ALK: variants seen among roughly 807,000 people sequenced by gnomAD.
ALK encodes the protein ALK receptor tyrosine kinase, also known as ALK tyrosine kinase receptor.
A neutral mutation model predicts 163.1 loss-of-function variants in ALK; 74 were observed. The ratio of observed to expected loss-of-function variants is 0.45; its 90% CI spans 0.38 to 0.55. ALK has a LOEUF of 0.55. ALK is among the 20% of genes least tolerant of loss of function. The pLI is 0.00. For missense variants in ALK, 2,063 were observed against 2,105.3 expected (o/e 0.98, Z 0.39); for synonymous variants, 960 against 843.2 (o/e 1.14, Z -2.40).
intron 1 of ALK, among the ~76,000 whole-genome samples, chr2:29,874,560 T>C (rs556164330): frequency 1.2e-4 from 19 of 152,330 alleles, no homozygotes; most frequent in African/African-American, 4.3e-4. Flanking sequence ...ACTACTGATG[T>C]TGTTCAAGCT....
chr2:29,902,209 T>A (rs766026742), intron 1 of ALK, among the ~76,000 whole-genome samples: 9 of 152,158 alleles, frequency 5.9e-5, no homozygotes, highest in South Asian at 4.1e-4. Flanking sequence ...CAAATTGAAC[T>A]CAACTCTTCC....
intron 1 of ALK, among the ~76,000 whole-genome samples, chr2:29,868,679 T>G (rs2148410956): frequency 6.6e-6 from 1 of 152,274 alleles, no homozygotes; most frequent in African/African-American, 2.4e-5. Flanking sequence ...ATTTCCTCAC[T>G]CTAACAAATC....
intron 3 of ALK, among the ~76,000 whole-genome samples, chr2:29,669,837 A>G (rs1485743409): frequency 1.3e-5 from 2 of 151,052 alleles, no homozygotes; most frequent in African/African-American, 2.4e-5. Flanking sequence ...GAGATAACTT[A>G]TCTTAGATCA....
intron 3 of ALK, among the ~76,000 whole-genome samples, chr2:29,621,328 T>C (rs1024461833): frequency 5.3e-5 from 8 of 152,226 alleles, no homozygotes; most frequent in African/African-American, 1.7e-4. Context: ...AAAAGATATC[T>C]GTTTTCTTCC....
At chr2:29,318,237 T>G in intron 8 of ALK, 67 bp downstream of exon 8, 8 of 1,345,180 alleles carry the variant, frequency 5.9e-6, no homozygotes, top group Non-Finnish European at 8.5e-6. Flanking sequence ...ACTTTCTTAA[T>G]CTGGGTTCCG....
intron 3 of ALK, among the ~76,000 whole-genome samples, chr2:29,645,866 C>T (rs1351150536): frequency 6.6e-6 from 1 of 152,160 alleles, no homozygotes. Flanking sequence ...TTTACTAGTT[C>T]CTTCTCATCT....
chr2:29,852,654 T>A (rs1001872055), intron 1 of ALK, among the ~76,000 whole-genome samples: 1 of 152,206 alleles, frequency 6.6e-6, no homozygotes, highest in South Asian at 2.1e-4. Flanking sequence ...CTAATGGGTA[T>A]GCCTGACAAC....
chr2:29,241,203 A>G (rs75050106), intron 12 of ALK, among the ~76,000 whole-genome samples: 2,971 of 152,246 alleles, frequency 0.02, 96 homozygotes, highest in African/African-American at 0.066. Flanking sequence ...GAGCTCACAA[A>G]GAAACTGAGG....
chr2:29,535,566 G>A (rs34844938), intron 3 of ALK, among the ~76,000 whole-genome samples: 2 of 152,102 alleles, frequency 1.3e-5, no homozygotes, highest in Non-Finnish European at 2.9e-5. Context: ...CATGAATCAA[G>A]TAGGCAGTAC....
chr2:29,250,943 A>T (rs891662492), intron 12 of ALK, among the ~76,000 whole-genome samples, 162 bp downstream of exon 12: 1 of 152,142 alleles, frequency 6.6e-6, no homozygotes, highest in Non-Finnish European at 1.5e-5. Context: ...TCACTCTCCC[A>T]AATCTCCCCA....
At chr2:29,716,306 G>C (rs143007066) in intron 2 of ALK, among the ~76,000 whole-genome samples, 1 of 152,318 alleles carries the variant, frequency 6.6e-6, no homozygotes, top group African/African-American at 2.4e-5. Context: ...TATTGCCATT[G>C]AAAGTAGCCA....
At chr2:29,752,519 T>C (rs1680399573) in intron 1 of ALK, among the ~76,000 whole-genome samples, 1 of 151,518 alleles carries the variant, frequency 6.6e-6, no homozygotes, top group Non-Finnish European at 1.5e-5. Flanking sequence ...CCGGCTAATT[T>C]TTGTATTTTT....
intron 4 of ALK, among the ~76,000 whole-genome samples, chr2:29,461,830 G>A (rs1048265585): frequency 1.3e-5 from 2 of 152,008 alleles, no homozygotes; most frequent in African/African-American, 4.8e-5. Flanking sequence ...GGCTGTAAGT[G>A]CCATAGATAG....
chr2:29,208,095 A>C (rs184452737), intron 25 of ALK: 27 of 452,662 alleles, frequency 6.0e-5, no homozygotes, highest in Admixed American at 5.6e-4. Flanking sequence ...TCCCAAGGAT[A>C]TTGTTTAGTG....
At chr2:29,777,367 C>T (rs896594592) in intron 1 of ALK, among the ~76,000 whole-genome samples, 66 of 152,120 alleles carry the variant, frequency 4.3e-4, no homozygotes, top group African/African-American at 1.4e-3. Context: ...GGTCACCTGA[C>T]AGTGAGTCAC....
chr2:29,696,201 G>C (rs1558446862), intron 2 of ALK, among the ~76,000 whole-genome samples: 1 of 152,188 alleles, frequency 6.6e-6, no homozygotes, highest in Admixed American at 6.5e-5. Context: ...ATATTATGCA[G>C]CCTTAAAAAC....
Position 29,686,867 on chromosome 2 carries a change from A to G in ALK, c.952+7983T>C, listed in dbSNP as rs926342999. On this transcript the variant is annotated intron_variant, in intron 3 of 28. Coordinates refer to ENST00000389048, the MANE Select transcript of ALK (RefSeq NM_004304.5). Reference sequence around the variant, plus strand: ...CTCAGGAGTCCAAGCTCCAGCTGCTAGTTGTATCAGAATCACATTAGATGG... The same window carrying G: ...CTCAGGAGTCCAAGCTCCAGCTGCTGGTTGTATCAGAATCACATTAGATGG... Among the ~76,000 whole-genome samples the G allele has an allele frequency of 7.9e-5, 12 of 152,306 alleles. 1 individual carries two copies. In the South Asian group the frequency reaches 1.7e-3, roughly 21 times the overall value.
chr2:29,283,480 T>A (rs1665766398), intron 9 of ALK, among the ~76,000 whole-genome samples: 1 of 152,130 alleles, frequency 6.6e-6, no homozygotes, highest in African/African-American at 2.4e-5. Context: ...GGAGCTGACA[T>A]GGTACCGAGA....
chr2:29,824,974 C>G (rs145947610), intron 1 of ALK, among the ~76,000 whole-genome samples: 2,353 of 152,262 alleles, frequency 0.015, 66 homozygotes, highest in African/African-American at 0.054. Flanking sequence ...TGGGAAGGAC[C>G]TGGTGGGAAG....
Sources: gnomAD v4.1 joint callset for allele counts (sites outside exome capture counted in the v4.1 genomes callset) on GRCh38, gnomAD v4.1.1 for gene constraint, MANE v1.5 for transcripts, NCBI Gene and HGNC (gene_info 2026-07-23, HGNC 2026-07-21) for gene names.